The following SESTD1 variants were observed in gnomAD, a reference collection of about 807,000 sequenced individuals.
SESTD1 encodes the protein SEC14 domain and spectrin repeat-containing protein 1.
SESTD1 carries 43 observed loss-of-function variants against 101.7 expected under a neutral mutation model. The ratio of observed to expected loss-of-function variants is 0.42; its 90% CI spans 0.33 to 0.55. SESTD1 has a LOEUF of 0.55. Among genes scored for constraint, SESTD1 ranks in the 20% least tolerant of loss-of-function variants. SESTD1 has a pLI of 0.07. For missense variants in SESTD1, 647 were observed against 815.1 expected (o/e 0.79, Z 2.51); for synonymous variants, 283 against 286.8 (o/e 0.99, Z 0.13).
At chr2:179,150,210 C>G (rs1240174448) in intron 6 of SESTD1, among the ~76,000 whole-genome samples, 1 of 151,972 alleles carries the variant, frequency 6.6e-6, no homozygotes, top group Non-Finnish European at 1.5e-5. Context: ...GGGGTGAGAC[C>G]CTGTCTCTAA....
intron 9 of SESTD1, among the ~76,000 whole-genome samples, chr2:179,142,290 C>G (rs1474414260): frequency 6.6e-6 from 1 of 152,202 alleles, no homozygotes; most frequent in Admixed American, 6.5e-5. Flanking sequence ...CACTAGACCT[C>G]TAGAGTAGAG....
At chr2:179,207,411 C>A (rs2046604256) in intron 1 of SESTD1, among the ~76,000 whole-genome samples, 1 of 135,430 alleles carries the variant, frequency 7.4e-6, no homozygotes, top group Non-Finnish European at 1.6e-5. Flanking sequence ...ACTTCACTAC[C>A]AGCATAACCA....
In SESTD1 at chr2:179,234,547, G is replaced by A. The variant is rs2047036398; in HGVS notation, c.-26+29952C>T. Among the ~76,000 whole-genome samples the A allele has an allele frequency of 2.0e-5, 3 of 152,156 alleles. No individual in the cohort carries two copies. The East Asian group carries it at 5.8e-4, about 29-fold the overall frequency. On this transcript the variant is annotated intron_variant, in intron 1 of 17. Transcript: ENST00000428443. ...AATCCCAGCACTTTGTGGGGCTGAG[G>A]CGGGTAGATCACTTGGGGTCAGGAG... is the stretch of plus-strand genomic sequence containing the variant.
intron 9 of SESTD1, among the ~76,000 whole-genome samples, chr2:179,139,313 T>C (rs969158344): frequency 6.6e-6 from 1 of 152,140 alleles, no homozygotes; most frequent in African/African-American, 2.4e-5. Context: ...AAAAGACACA[T>C]CACACAGTGA....
intron 1 of SESTD1, among the ~76,000 whole-genome samples, chr2:179,193,849 A>AT (rs2046352997): frequency 6.6e-6 from 1 of 152,216 alleles, no homozygotes; most frequent in Admixed American, 6.5e-5. Flanking sequence ...TGGCCACCTT[A>AT]TAAACTTTCA....
intron 13 of SESTD1, among the ~76,000 whole-genome samples, chr2:179,121,495 T>A (rs1365859160): frequency 6.6e-6 from 1 of 151,654 alleles, no homozygotes; most frequent in Non-Finnish European, 1.5e-5. Context: ...AGCAGAAGAG[T>A]CATAGACTAC....
chr2:179,174,758 T>G (rs1460801754), intron 4 of SESTD1, among the ~76,000 whole-genome samples: 3 of 152,074 alleles, frequency 2.0e-5, no homozygotes, highest in East Asian at 1.9e-4. Flanking sequence ...CTCAGGAGTT[T>G]GAGACCAGCT....
chr2:179,182,238 C>T (rs1575466389), intron 3 of SESTD1, among the ~76,000 whole-genome samples: 1 of 151,806 alleles, frequency 6.6e-6, no homozygotes, highest in East Asian at 1.9e-4. Context: ...CCTTTTTCTA[C>T]CTCTACATTG....
chr2:179,103,686 A>T lies in SESTD1; in HGVS notation c.*6213T>A, dbSNP rs540696373. The stretch of plus-strand genomic sequence containing the variant: ...TGACTCTATTTATATAAAGTTTTAG[A>T]ACAGAAAAATCTTATGGTAGAAAAA... On this transcript the variant is annotated 3_prime_UTR_variant, in exon 18 of 18. Transcript: ENST00000428443. The T allele has an allele frequency of 2.0e-5, 3 of 152,290 alleles. No homozygotes were observed. The East Asian group carries it at 5.8e-4, about 29-fold the overall frequency. 9.4% of individuals were successfully genotyped at this position (152,290 alleles called of 1,614,324 possible). A position where few individuals can be genotyped will look rare whatever the true frequency, so the allele number is the denominator to read the frequency against.
rs1350288327 is a variant in SESTD1, at chr2:179,213,915, C to T, written c.-25-22049G>A. Among the ~76,000 whole-genome samples, 8 of 134,716 alleles carry T rather than the reference C, an allele frequency of 5.9e-5. 1 individual carries two copies. Among genetic ancestry groups the T allele is most frequent in the Non-Finnish European group, 1.3e-4 (8 of 62,798 alleles). 88.4% of individuals were successfully genotyped at this position (134,716 alleles called of 152,430 possible). A position where few individuals can be genotyped will look rare whatever the true frequency, so the allele number is the denominator to read the frequency against. On this transcript the variant is annotated intron_variant, in intron 1 of 17. Transcript: ENST00000428443. ...AGTGAAGGAGAAATAAAATCCTTCA[C>T]AGACAAGCAAATGCTGAGACATTTT...
intron 16 of SESTD1, 29 bp downstream of exon 16, chr2:179,115,036 A>C: frequency 6.3e-7 from 1 of 1,591,880 alleles, no homozygotes; most frequent in Non-Finnish European, 8.6e-7. Flanking sequence ...AATACCACTG[A>C]GAATAACATT....
chr2:179,143,719 A>T lies in SESTD1; in HGVS notation c.722T>A (p.Leu241His). 1 of 1,614,088 alleles carries T rather than the reference A, an allele frequency of 6.2e-7. No homozygotes were observed. Among genetic ancestry groups the T allele is most frequent in the Non-Finnish European group, 8.5e-7 (1 of 1,179,954 alleles). Residue 241 changes from leucine to histidine, a missense_variant, in exon 9 of 18, where the codon CTT becomes CAT. This residue lies in a region of SESTD1 where 476 missense variants were observed against 562.6 expected (regional missense o/e 0.85). Coordinates refer to ENST00000428443, the MANE Select transcript of SESTD1 (RefSeq NM_178123.5). ...GVSWSPMDDE[L>H]LAQPQVMKLL... The stretch of plus-strand genomic sequence containing the variant: ...TTTCATAACCTGTGGCTGTGCAAGA[A>T]GTTCATCATCCATAGGAGACCATGA...
chr2:179,112,538 G>A (rs1281733002), intron 17 of SESTD1, among the ~76,000 whole-genome samples, 186 bp downstream of exon 17: 1 of 152,160 alleles, frequency 6.6e-6, no homozygotes, highest in Non-Finnish European at 1.5e-5. Context: ...TCTGTTGTTG[G>A]CAAGTACCAT....
chr2:179,114,649 C>A (rs1035852466), intron 16 of SESTD1, among the ~76,000 whole-genome samples: 2 of 151,602 alleles, frequency 1.3e-5, no homozygotes, highest in African/African-American at 4.9e-5. Flanking sequence ...TTTTTAATGT[C>A]CCGACTTTAT....
rs561993782 is a variant in SESTD1, at chr2:179,200,993, G to C, written c.-25-9127C>G. On this transcript the variant is annotated intron_variant, in intron 1 of 17. Coordinates refer to ENST00000428443, the MANE Select transcript of SESTD1 (RefSeq NM_178123.5). Reference sequence around the variant, plus strand: ...CATCAGAGTGAACAGGCAACCTACAGAATGGGAGAAAATTTTCGCAACCTA... The same window carrying C: ...CATCAGAGTGAACAGGCAACCTACACAATGGGAGAAAATTTTCGCAACCTA... 5.2e-5 allele frequency among the ~76,000 whole-genome samples: 7 copies of C among 133,966 alleles called. 1 individual carries two copies. Among genetic ancestry groups the C allele is most frequent in the African/African-American group, 8.9e-5 (3 of 33,610 alleles). The allele number at this position is 133,966 out of a possible 152,430, so 87.9% of individuals were successfully genotyped here.
chr2:179,111,965 C>A (rs111958207), intron 17 of SESTD1, among the ~76,000 whole-genome samples: 1 of 152,130 alleles, frequency 6.6e-6, no homozygotes, highest in South Asian at 2.1e-4. Context: ...GTGATCCGCC[C>A]GCTTTGGCCT....
chr2:179,191,409 C>A (rs537014028), intron 2 of SESTD1, among the ~76,000 whole-genome samples: 1 of 152,164 alleles, frequency 6.6e-6, no homozygotes, highest in Non-Finnish European at 1.5e-5. Context: ...ATGGGAGCAA[C>A]AGACACTGGA....
intron 5 of SESTD1, among the ~76,000 whole-genome samples, chr2:179,165,603 T>C (rs1024281461): frequency 1.3e-5 from 2 of 152,232 alleles, no homozygotes; most frequent in Non-Finnish European, 2.9e-5. Flanking sequence ...ACCATGCTCC[T>C]GACTCTTGAA....
At position 179,172,114 on chromosome 2, in the gene SESTD1, A is replaced by G. The variant is rs769833196; in HGVS notation, c.369+6T>C. On this transcript the variant is annotated splice_donor_region_variant and intron_variant, in intron 5 of 17. Coordinates refer to ENST00000428443, the MANE Select transcript of SESTD1 (RefSeq NM_178123.5). ...AATGGACTTTAAAAAAAGAGATTAC[A>G]TTTACCTCAAAGCCAAGTCTATCCT... 3.9e-6 allele frequency: 6 copies of G among 1,550,732 alleles called. No homozygotes were observed. In the Admixed American group the frequency reaches 8.6e-5, roughly 22 times the overall value.
Sources: gnomAD v4.1 joint callset for allele counts (sites outside exome capture counted in the v4.1 genomes callset) on GRCh38, gnomAD v4.1.1 for gene constraint, gnomAD v4.1.1 regional missense constraint, MANE v1.5 for transcripts, NCBI Gene and HGNC (gene_info 2026-07-23, HGNC 2026-07-21) for gene names.